Variants in ITGA8 observed in about 807,000 individuals in gnomAD.
The protein encoded by ITGA8 is integrin alpha-8.
In ITGA8, 91 loss-of-function variants were observed where a neutral mutation model predicts 142.3. The observed-to-expected ratio is 0.64, with a 90% CI of 0.54 to 0.76. The LOEUF is 0.76. ITGA8 is among the 30% of genes least tolerant of loss of function. ITGA8 has a pLI of 0.00. For synonymous variants in ITGA8, 505 were observed against 485.2 expected (o/e 1.04, Z -0.54); for missense variants, 1,406 against 1,327.7 (o/e 1.06, Z -0.92).
chr10:15,600,573 G>A (rs557115422), intron 20 of ITGA8, among the ~76,000 whole-genome samples: 1 of 152,190 alleles, frequency 6.6e-6, no homozygotes, highest in East Asian at 1.9e-4. Context: ...AGAGGTGAGT[G>A]GGGGTGATAT....
At chr10:15,557,717 A>G (rs1338068837) in intron 26 of ITGA8, among the ~76,000 whole-genome samples, 3 of 152,174 alleles carry the variant, frequency 2.0e-5, no homozygotes, top group Non-Finnish European at 4.4e-5. Flanking sequence ...ACAGGTGCAG[A>G]ACTCCAAGGG....
intron 23 of ITGA8, among the ~76,000 whole-genome samples, chr10:15,578,844 T>C (rs1169010555): frequency 1.3e-5 from 2 of 152,264 alleles, no homozygotes; most frequent in African/African-American, 2.4e-5. Context: ...CCAAGTTTAC[T>C]TCTCACAGAC....
At chr10:15,533,288 C>T (rs996747850) in intron 27 of ITGA8, among the ~76,000 whole-genome samples, 1 of 152,256 alleles carries the variant, frequency 6.6e-6, no homozygotes, top group African/African-American at 2.4e-5. Flanking sequence ...CTTTCTACTC[C>T]TACCCTCCAG....
intron 11 of ITGA8, among the ~76,000 whole-genome samples, chr10:15,650,846 G>A (rs1270738399): frequency 2.0e-5 from 3 of 152,052 alleles, no homozygotes; most frequent in African/African-American, 7.2e-5. Flanking sequence ...CTAATTGATA[G>A]GCAAGAGCTA....
Position 15,514,406 on chromosome 10 carries a change from TA to T in ITGA8, c.*2751del, listed in dbSNP as rs1219576498. The T allele has an allele frequency of 5.3e-5, 8 of 152,132 alleles. No individual in the cohort carries two copies. Among genetic ancestry groups the T allele is most frequent in the African/African-American group, 1.9e-4 (8 of 41,418 alleles). The allele number at this position is 152,132 out of a possible 1,614,324, so 9.4% of individuals were successfully genotyped here. On this transcript the variant is annotated 3_prime_UTR_variant, in exon 30 of 30. Transcript: ENST00000378076. Reference sequence around the variant, plus strand: ...TTCTTTTTTTATTTTTTATTTTATTTATTTTTTTGTTGAGACAGAGTTTCCC... The same window carrying T: ...TTCTTTTTTTATTTTTTATTTTATTTTTTTTTTGTTGAGACAGAGTTTCCC...
chr10:15,568,985 A>C (rs1296542193), intron 25 of ITGA8, among the ~76,000 whole-genome samples: 1 of 152,100 alleles, frequency 6.6e-6, no homozygotes, highest in Non-Finnish European at 1.5e-5. Context: ...GGAGTGTGTG[A>C]CCTCTAAAAT....
At chr10:15,534,620 T>C (rs1018662187) in intron 27 of ITGA8, among the ~76,000 whole-genome samples, 1 of 152,086 alleles carries the variant, frequency 6.6e-6, no homozygotes, top group Non-Finnish European at 1.5e-5. Flanking sequence ...TTGGACACCC[T>C]TTCCTTTCTC....
chr10:15,687,869 T>G, intron 3 of ITGA8, 69 bp downstream of exon 3: 21 of 925,806 alleles, frequency 2.3e-5, no homozygotes, highest in Non-Finnish European at 3.4e-5. Flanking sequence ...TTCCTAAACA[T>G]GAGCTTGAAA....
chr10:15,687,888 G>T, intron 3 of ITGA8, 50 bp downstream of exon 3: 1 of 1,087,794 alleles, frequency 9.2e-7, no homozygotes, highest in Non-Finnish European at 1.4e-6. Context: ...AAACATTCCA[G>T]TGCACACCAT....
chr10:15,665,993 G>A (rs544309400), intron 8 of ITGA8, among the ~76,000 whole-genome samples: 22 of 152,290 alleles, frequency 1.4e-4, no homozygotes, highest in African/African-American at 3.6e-4. Context: ...TTGACTTGGC[G>A]AAGCCGGCTC....
chr10:15,551,398 G>A (rs12268362), intron 26 of ITGA8, among the ~76,000 whole-genome samples: 3,714 of 152,062 alleles, frequency 0.024, 148 homozygotes, highest in African/African-American at 0.085. Context: ...GGATGTTTTC[G>A]GGGGAATTTC....
At chr10:15,531,211 G>A in intron 27 of ITGA8, 60 bp from the exon 28 acceptor site, 1 of 803,638 alleles carries the variant, frequency 1.2e-6, no homozygotes, top group Non-Finnish European at 1.8e-6. Context: ...AGTTATACTG[G>A]CAGCCACCTA....
intron 8 of ITGA8, among the ~76,000 whole-genome samples, chr10:15,664,965 G>T (rs534422211): frequency 1.3e-4 from 20 of 152,136 alleles, no homozygotes; most frequent in Non-Finnish European, 2.5e-4. Context: ...GAATAGAGCC[G>T]CAATAAACAT....
chr10:15,713,933 A>T (rs141480059), intron 2 of ITGA8, among the ~76,000 whole-genome samples: 1 of 151,324 alleles, frequency 6.6e-6, no homozygotes, highest in East Asian at 1.9e-4. Context: ...AGGCCAGGCA[A>T]ATTCTAGTGG....
chr10:15,622,602 CAA>C (rs11341075), intron 13 of ITGA8, among the ~76,000 whole-genome samples: 13 of 106,872 alleles, frequency 1.2e-4, no homozygotes, highest in East Asian at 5.8e-4. Flanking sequence ...CAAAACAAAA[CAA>C]AAAAAAAACC....
At chr10:15,542,785 CAAT>C (rs1234922788) in intron 27 of ITGA8, among the ~76,000 whole-genome samples, 1 of 152,112 alleles carries the variant, frequency 6.6e-6, no homozygotes, top group Non-Finnish European at 1.5e-5. Flanking sequence ...ATGCAGCTGA[CAAT>C]AATAATACAT....
intron 2 of ITGA8, among the ~76,000 whole-genome samples, chr10:15,691,207 A>T (rs187815334): frequency 3.5e-4 from 53 of 152,348 alleles, no homozygotes; most frequent in African/African-American, 1.3e-3. Context: ...GTTGTGGAGG[A>T]TATGAAGAAA....
chr10:15,555,125 G>A (rs930612271), intron 26 of ITGA8, among the ~76,000 whole-genome samples: 1 of 152,234 alleles, frequency 6.6e-6, no homozygotes, highest in African/African-American at 2.4e-5. Context: ...AAAAATGGCT[G>A]ATTTCATTTA....
intron 2 of ITGA8, among the ~76,000 whole-genome samples, chr10:15,702,428 T>A (rs1835181625): frequency 6.6e-6 from 1 of 152,046 alleles, no homozygotes; most frequent in Non-Finnish European, 1.5e-5. Context: ...GTACCTGGGA[T>A]TACAGGTGGC....
Sources: gnomAD v4.1 joint callset for allele counts (sites outside exome capture counted in the v4.1 genomes callset) on GRCh38, gnomAD v4.1.1 for gene constraint, MANE v1.5 for transcripts, NCBI Gene and HGNC (gene_info 2026-07-23, HGNC 2026-07-21) for gene names.